The following PPME1 variants were observed in gnomAD, a reference collection of about 807,000 sequenced individuals.
PPME1 encodes the protein testicular secretory protein Li 39.
PPME1 carries 17 observed loss-of-function variants against 56.9 expected under a neutral mutation model. That is an observed-to-expected ratio of 0.30 (90% CI 0.20 to 0.45). PPME1 has a LOEUF of 0.45. PPME1 is among the 20% of genes least tolerant of loss of function. PPME1 has a pLI of 1.00. For synonymous variants in PPME1, 122 were observed against 156.2 expected (o/e 0.78, Z 1.63); for missense variants, 357 against 483.2 (o/e 0.74, Z 2.45).
chr11:74,220,532 T>C (rs908185123), intron 3 of PPME1, among the ~76,000 whole-genome samples: 2 of 152,228 alleles, frequency 1.3e-5, no homozygotes, highest in Admixed American at 6.5e-5. Flanking sequence ...GAAAATTGGC[T>C]CTGTCACTTA....
chr11:74,226,060 C>A (rs1378034999), intron 5 of PPME1, among the ~76,000 whole-genome samples: 1 of 152,126 alleles, frequency 6.6e-6, no homozygotes, highest in Non-Finnish European at 1.5e-5. Context: ...CCTTCAGAGC[C>A]CAAACTGATG....
chr11:74,234,376 C>T (rs976302555), intron 7 of PPME1, among the ~76,000 whole-genome samples: 15 of 152,128 alleles, frequency 9.9e-5, no homozygotes, highest in African/African-American at 3.6e-4. Flanking sequence ...GACCTAGGAA[C>T]TTGATATTGA....
chr11:74,223,273 C>T (rs1386775838), intron 4 of PPME1, among the ~76,000 whole-genome samples: 2 of 151,570 alleles, frequency 1.3e-5, no homozygotes, highest in Non-Finnish European at 2.9e-5. Flanking sequence ...GACATGAACT[C>T]ATCATTTTTT....
At chr11:74,206,171 T>G (rs1186427140) in intron 3 of PPME1, among the ~76,000 whole-genome samples, 1 of 152,192 alleles carries the variant, frequency 6.6e-6, no homozygotes, top group Non-Finnish European at 1.5e-5. Context: ...TTCCATGGCT[T>G]ATTATGCCTA....
intron 3 of PPME1, among the ~76,000 whole-genome samples, chr11:74,206,756 A>C (rs1858337542): frequency 1.3e-5 from 2 of 152,072 alleles, no homozygotes. Context: ...TTGTAGAGAC[A>C]GGGTCTCACT....
chr11:74,211,529 C>T (rs1032177881), intron 3 of PPME1, among the ~76,000 whole-genome samples: 4 of 151,992 alleles, frequency 2.6e-5, no homozygotes, highest in South Asian at 2.1e-4. Context: ...AATAACAAAT[C>T]GTAAGAAAAT....
Position 74,230,535 on chromosome 11 carries a change from G to GA in PPME1, c.553+136_553+137insA. ...CCCTCTGTCTTTATATCTTTTTTAA[G>GA]TTTATACAAGATAACCATTTTTCCA... On this transcript the variant is annotated intron_variant, in intron 6 of 13. Coordinates refer to ENST00000328257, the MANE Select transcript of PPME1 (RefSeq NM_016147.3). The surrounding 1 kb of genome is among the most constrained non-coding windows in gnomAD (Gnocchi z 4.9). The GA allele has an allele frequency of 4.6e-6, 5 of 1,079,586 alleles. No homozygotes were observed. The highest frequency in any genetic ancestry group is 6.6e-6 in the Non-Finnish European group (5 of 753,728). 66.9% of individuals were successfully genotyped at this position (1,079,586 alleles called of 1,614,324 possible).
intron 1 of PPME1, among the ~76,000 whole-genome samples, chr11:74,194,560 C>T (rs987258724): frequency 4.0e-5 from 6 of 150,964 alleles, no homozygotes; most frequent in African/African-American, 1.5e-4. Context: ...TATATAAGAT[C>T]ATTATATATA....
intron 12 of PPME1, chr11:74,251,429 T>C: frequency 7.1e-7 from 1 of 1,399,066 alleles, no homozygotes. Context: ...CTTCACGTCA[T>C]TCCTCTTGAG....
At chr11:74,241,921 T>C (rs1859370935) in intron 9 of PPME1, among the ~76,000 whole-genome samples, 1 of 152,224 alleles carries the variant, frequency 6.6e-6, no homozygotes, top group African/African-American at 2.4e-5. Flanking sequence ...TCCCATTCCA[T>C]GGGTTGTCTT....
chr11:74,247,972 C>CT (rs1461004049), intron 11 of PPME1: 3 of 152,572 alleles, frequency 2.0e-5, no homozygotes, highest in Non-Finnish European at 2.9e-5. Context: ...GGCAAGTTAT[C>CT]TGACTTGCCT....
chr11:74,232,860 A>ATTTTTTTTTTTTTTTT (rs35057762), intron 7 of PPME1, among the ~76,000 whole-genome samples: 2 of 93,846 alleles, frequency 2.1e-5, no homozygotes. Flanking sequence ...TTGTTATTTG[A>ATTTTTTTTTTTTTTTT]TTTTTTTTTT....
intron 1 of PPME1, among the ~76,000 whole-genome samples, chr11:74,200,662 C>G (rs1461430062): frequency 2.0e-5 from 3 of 152,146 alleles, no homozygotes; most frequent in Non-Finnish European, 4.4e-5. Flanking sequence ...GGATTATAGG[C>G]ATGAGCCACC....
chr11:74,252,257 T>G (rs953265755), intron 13 of PPME1, among the ~76,000 whole-genome samples: 29 of 150,970 alleles, frequency 1.9e-4, no homozygotes, highest in Non-Finnish European at 3.4e-4. Context: ...TTTTGTTTTT[T>G]TTTTTTTTTA....
At chr11:74,227,485 A>C (rs902435707) in intron 5 of PPME1, among the ~76,000 whole-genome samples, 1 of 151,880 alleles carries the variant, frequency 6.6e-6, no homozygotes, top group Non-Finnish European at 1.5e-5. Context: ...AAAAAAAAAA[A>C]CCTCAAAATG....
At chr11:74,208,411 G>A (rs931688769) in intron 3 of PPME1, among the ~76,000 whole-genome samples, 9 of 152,078 alleles carry the variant, frequency 5.9e-5, no homozygotes, top group Non-Finnish European at 1.3e-4. Context: ...TACAGGTGCT[G>A]TGGATACAGT....
intron 9 of PPME1, among the ~76,000 whole-genome samples, chr11:74,243,779 C>T: frequency 6.7e-6 from 1 of 148,558 alleles, no homozygotes; most frequent in African/African-American, 2.5e-5. Flanking sequence ...TCCTTTCTTT[C>T]TTTCTTTTTT....
At chr11:74,174,167 G>C (rs1857352747) in intron 1 of PPME1, among the ~76,000 whole-genome samples, 1 of 152,106 alleles carries the variant, frequency 6.6e-6, no homozygotes, top group South Asian at 2.1e-4. Flanking sequence ...AATATTCAGA[G>C]AGTTCTGTAT....
At chr11:74,210,758 T>C (rs115379978) in intron 3 of PPME1, among the ~76,000 whole-genome samples, 4 of 152,220 alleles carry the variant, frequency 2.6e-5, no homozygotes, top group Non-Finnish European at 4.4e-5. Context: ...GTACTTCTTA[T>C]ACAGCTTGCA....
Sources: allele counts gnomAD v4.1 joint callset (sites outside exome capture counted in the v4.1 genomes callset), GRCh38; gene constraint gnomAD v4.1.1; non-coding constraint Gnocchi (gnomAD v3.1); transcripts MANE v1.5; gene names NCBI Gene and HGNC (gene_info 2026-07-23, HGNC 2026-07-21).